The following GRID2 variants were observed in gnomAD, a reference collection of about 807,000 sequenced individuals.
The protein encoded by GRID2 is glutamate receptor ionotropic, delta-2.
A neutral mutation model predicts 114.8 loss-of-function variants in GRID2; 33 were observed. The ratio of observed to expected loss-of-function variants is 0.29; its 90% CI spans 0.22 to 0.38. The LOEUF (loss-of-function observed/expected upper bound fraction) is 0.38, where lower values mean the gene tolerates loss of function less well. GRID2 is among the 10% of genes least tolerant of loss of function. GRID2 has a pLI of 1.00. For missense variants in GRID2, 1,184 were observed against 1,257.7 expected (o/e 0.94, Z 0.89); for synonymous variants, 505 against 449.9 (o/e 1.12, Z -1.55).
intron 2 of GRID2, among the ~76,000 whole-genome samples, chr4:92,872,288 A>G (rs961614911): frequency 3.9e-5 from 6 of 152,220 alleles, no homozygotes; most frequent in African/African-American, 1.2e-4. Flanking sequence ...GTTCAAATGT[A>G]ATAACCAAGA....
intron 2 of GRID2, among the ~76,000 whole-genome samples, chr4:93,076,655 T>C (rs1293329579): frequency 7.2e-6 from 1 of 139,022 alleles, no homozygotes; most frequent in Non-Finnish European, 1.5e-5. Flanking sequence ...TCTCTCTCTG[T>C]CACCCAGGCT....
rs555799415 is a variant in GRID2 at position 92,924,547 on chromosome 4, T to C, written c.245-160448T>C. Reference sequence around the variant, plus strand: ...ACTTTTTAGATAGTTTTAAAAATTATCTTCCAAAACACTGCTGCATGGACA... The same window carrying C: ...ACTTTTTAGATAGTTTTAAAAATTACCTTCCAAAACACTGCTGCATGGACA... On this transcript the variant is annotated intron_variant, in intron 2 of 15. Transcript: ENST00000282020. Among the ~76,000 whole-genome samples, 41 of 152,252 alleles carry C rather than the reference T, an allele frequency of 2.7e-4. No homozygotes were observed. The South Asian group carries it at 3.1e-3, about 12-fold the overall frequency.
intron 2 of GRID2, among the ~76,000 whole-genome samples, chr4:92,693,926 G>C (rs1734306834): frequency 6.6e-6 from 1 of 152,114 alleles, no homozygotes; most frequent in East Asian, 1.9e-4. Flanking sequence ...TTTTTTAACA[G>C]AGAGTTGTGA....
chr4:92,795,971 G>C (rs1739848553), intron 2 of GRID2, among the ~76,000 whole-genome samples: 1 of 151,880 alleles, frequency 6.6e-6, no homozygotes, highest in Non-Finnish European at 1.5e-5. Context: ...GATTGGTTCT[G>C]TTGTAAATCC....
chr4:92,572,196 G>T (rs537196744), intron 1 of GRID2, among the ~76,000 whole-genome samples: 2 of 151,940 alleles, frequency 1.3e-5, no homozygotes, highest in South Asian at 4.2e-4. Context: ...AATGATAAAG[G>T]GGATATCACC....
In GRID2 at chr4:92,860,698, C is replaced by T. The variant is rs370379669; in HGVS notation, c.245-224297C>T. The stretch of plus-strand genomic sequence containing the variant: ...TATTTATCCTATTCATTTATTCATT[C>T]GGTCAACAAGTATGTAATTTCCATG... On this transcript the variant is annotated intron_variant, in intron 2 of 15. Transcript: ENST00000282020. 8.5e-5 allele frequency among the ~76,000 whole-genome samples: 13 copies of T among 152,180 alleles called. No homozygotes were observed. The East Asian group carries it at 1.9e-3, about 23-fold the overall frequency.
At chr4:92,682,682 GCACACA>G (rs57217377) in intron 2 of GRID2, among the ~76,000 whole-genome samples, 12 of 142,804 alleles carry the variant, frequency 8.4e-5, no homozygotes, top group South Asian at 2.3e-4. Flanking sequence ...AAATCGCAGG[GCACACA>G]CACACACACA....
intron 2 of GRID2, among the ~76,000 whole-genome samples, chr4:92,878,085 T>A (rs993681299): frequency 6.6e-6 from 1 of 152,170 alleles, no homozygotes; most frequent in Non-Finnish European, 1.5e-5. Context: ...GCAGTTGTGA[T>A]TGATATAACT....
chr4:93,755,573 T>G (rs1323288640), intron 14 of GRID2, among the ~76,000 whole-genome samples: 2 of 152,152 alleles, frequency 1.3e-5, no homozygotes, highest in Non-Finnish European at 2.9e-5. Context: ...TATTTAAAAT[T>G]TACATGTGTA....
At chr4:93,089,172 C>T (rs528005398) in intron 3 of GRID2, among the ~76,000 whole-genome samples, 16 of 152,114 alleles carry the variant, frequency 1.1e-4, no homozygotes, top group African/African-American at 3.9e-4. Context: ...TTGCTTTCAG[C>T]CATGAAGGTA....
At chr4:93,594,102 C>T (rs1175635037) in intron 13 of GRID2, among the ~76,000 whole-genome samples, 1 of 152,198 alleles carries the variant, frequency 6.6e-6, no homozygotes, top group East Asian at 1.9e-4. Flanking sequence ...TGGTGAGGAG[C>T]TGCATTCCTT....
intron 2 of GRID2, among the ~76,000 whole-genome samples, chr4:92,901,366 G>A (rs1193414578): frequency 1.3e-5 from 2 of 152,078 alleles, no homozygotes; most frequent in Non-Finnish European, 2.9e-5. Context: ...GTTGCACTGA[G>A]TTGCTTGTAG....
chr4:93,165,596 C>A (rs972062695), intron 4 of GRID2, among the ~76,000 whole-genome samples: 1 of 152,038 alleles, frequency 6.6e-6, no homozygotes, highest in African/African-American at 2.4e-5. Context: ...AAGAGCTTCC[C>A]TAAGAGCAGA....
chr4:92,875,506 A>G (rs181669025), intron 2 of GRID2, among the ~76,000 whole-genome samples: 165 of 152,314 alleles, frequency 1.1e-3, no homozygotes, highest in Non-Finnish European at 1.7e-3. Flanking sequence ...TTAAGGTTCA[A>G]TACAACACAT....
chr4:93,655,935 C>T (rs913005481), intron 14 of GRID2, among the ~76,000 whole-genome samples: 1 of 151,726 alleles, frequency 6.6e-6, no homozygotes, highest in Non-Finnish European at 1.5e-5. Context: ...CCTTCATTAG[C>T]ATAGTTTTCA....
chr4:92,960,737 G>A (rs1752742249), intron 2 of GRID2, among the ~76,000 whole-genome samples: 2 of 151,764 alleles, frequency 1.3e-5, no homozygotes. Flanking sequence ...TTTAAAATAA[G>A]TATTGATATA....
intron 13 of GRID2, among the ~76,000 whole-genome samples, chr4:93,542,949 G>A (rs765169741): frequency 2.0e-5 from 3 of 152,094 alleles, no homozygotes; most frequent in Admixed American, 6.6e-5. Flanking sequence ...TACAGGTCAT[G>A]AAAGCCATCA....
In GRID2 at chr4:93,110,854, T is replaced by C. The variant is rs143415861; in HGVS notation, c.636T>C (p.Phe212=). ...TCAATAAAATGATTACCACTCTCTT[T>C]GACACCATGAGAATAGAAGAACTGA... is the stretch of plus-strand genomic sequence containing the variant. ...NNINKMITTL[F]DTMRIEELNR... is the part of the protein sequence containing the mutation. The change falls in exon 4 of 16, where the codon TTT becomes TTC. Residue 212 remains phenylalanine (F), a synonymous_variant. Transcript: ENST00000282020. The C allele has an allele frequency of 2.5e-5, 41 of 1,609,702 alleles. No individual in the cohort carries two copies. Among genetic ancestry groups the C allele is most frequent in the Non-Finnish European group, 3.4e-5 (40 of 1,176,088 alleles).
At chr4:92,433,419 G>A (rs1732567177) in intron 1 of GRID2, among the ~76,000 whole-genome samples, 1 of 152,222 alleles carries the variant, frequency 6.6e-6, no homozygotes, top group African/African-American at 2.4e-5. Flanking sequence ...CAGAACTTAG[G>A]TTCCGACTGC....
Sources: gnomAD v4.1 joint callset for allele counts (sites outside exome capture counted in the v4.1 genomes callset) on GRCh38, gnomAD v4.1.1 for gene constraint, MANE v1.5 for transcripts, NCBI Gene and HGNC (gene_info 2026-07-23, HGNC 2026-07-21) for gene names.